Variants in TPD52 observed in about 807,000 individuals in gnomAD.
TPD52 encodes tumor protein D52, also known as prostate and colon associated protein.
Under a neutral mutation model 31.3 loss-of-function variants are expected in TPD52, and 17 were observed. That is an observed-to-expected ratio of 0.54 (90% CI 0.37 to 0.82). The LOEUF (loss-of-function observed/expected upper bound fraction) is 0.82. TPD52 is among the 40% of genes least tolerant of loss of function. TPD52 has a pLI of 0.00. For missense variants in TPD52, 212 were observed against 240.1 expected, an observed-to-expected ratio of 0.88 and a Z score of 0.77; for synonymous variants, 83 against 89.6, an observed-to-expected ratio of 0.93 and a Z score of 0.42.
chr8:80,089,189 CG>C, intron 1 of TPD52, among the ~76,000 whole-genome samples: 1 of 152,280 alleles, frequency 6.6e-6, no homozygotes. Context: ...GGAACAGAAG[CG>C]GGAACAGCAA....
chr8:80,078,164 C>T (rs1029897222), intron 1 of TPD52, among the ~76,000 whole-genome samples: 7 of 152,222 alleles, frequency 4.6e-5, no homozygotes, highest in Admixed American at 1.3e-4. Flanking sequence ...CTCATCCTAA[C>T]CTTCGCTTTA....
chr8:80,131,831 G>A (rs1369055441), intron 1 of TPD52, among the ~76,000 whole-genome samples: 1 of 152,052 alleles, frequency 6.6e-6, no homozygotes, highest in Non-Finnish European at 1.5e-5. Context: ...GGTGGAAAAG[G>A]TTTTGGTTTG....
At chr8:80,106,743 C>A (rs1326374358) in intron 1 of TPD52, among the ~76,000 whole-genome samples, 3 of 149,588 alleles carry the variant, frequency 2.0e-5, no homozygotes, top group African/African-American at 7.4e-5. Context: ...CCAAAATGGA[C>A]GCAAAAGGCA....
chr8:80,051,638 A>C lies in TPD52; in HGVS notation c.285-10T>G. ...AGATGTCTTCTTGTAACTATATTAAATTATAAACACACAGAGCAAAAGAAG... is the reference window on the plus strand; with the variant it reads ...AGATGTCTTCTTGTAACTATATTAACTTATAAACACACAGAGCAAAAGAAG... On this transcript the variant is annotated splice_polypyrimidine_tract_variant and intron_variant, in intron 3 of 7. Transcript: ENST00000518937. 4 of 1,581,546 alleles carry C rather than the reference A, an allele frequency of 2.5e-6. No individual in the cohort carries two copies. Among genetic ancestry groups the C allele is most frequent in the Non-Finnish European group, 3.4e-6 (4 of 1,166,544 alleles).
intron 7 of TPD52, among the ~76,000 whole-genome samples, chr8:80,041,528 G>A (rs1010272353): frequency 9.2e-5 from 14 of 152,130 alleles, no homozygotes; most frequent in Non-Finnish European, 1.6e-4. Flanking sequence ...TACAAACTCC[G>A]TAGAGAGGGT....
At chr8:80,130,689 A>T (rs980588525) in intron 1 of TPD52, among the ~76,000 whole-genome samples, 1 of 152,294 alleles carries the variant, frequency 6.6e-6, no homozygotes, top group East Asian at 1.9e-4. Context: ...ATGACTTAGA[A>T]ATTAAGATGC....
At chr8:80,048,498 C>T (rs1177954314) in intron 5 of TPD52, among the ~76,000 whole-genome samples, 1 of 152,158 alleles carries the variant, frequency 6.6e-6, no homozygotes, top group Non-Finnish European at 1.5e-5. Flanking sequence ...GCAAAAGGAG[C>T]CTACTGTATC....
chr8:80,101,341 G>A (rs1169283134), intron 1 of TPD52, among the ~76,000 whole-genome samples: 6 of 151,740 alleles, frequency 4.0e-5, no homozygotes, highest in East Asian at 1.9e-4. Context: ...CCAGCTACCC[G>A]GGAGGCTGAG....
chr8:80,063,375 G>T (rs1365265567), intron 2 of TPD52, among the ~76,000 whole-genome samples: 1 of 152,196 alleles, frequency 6.6e-6, no homozygotes, highest in Non-Finnish European at 1.5e-5. Flanking sequence ...AGCAAATTAG[G>T]TATTGCCAGG....
intron 1 of TPD52, among the ~76,000 whole-genome samples, chr8:80,089,963 A>C (rs1172415513): frequency 1.3e-5 from 2 of 152,244 alleles, no homozygotes; most frequent in African/African-American, 4.8e-5. Flanking sequence ...AAGAGACGCA[A>C]GAAGAAGCCA....
intron 1 of TPD52, among the ~76,000 whole-genome samples, chr8:80,102,911 C>CA (rs376608106): frequency 1.3e-5 from 2 of 151,042 alleles, no homozygotes; most frequent in Non-Finnish European, 3.0e-5. Flanking sequence ...CACAAACAAA[C>CA]AACAACAACA....
chr8:80,053,637 G>A (rs1811585083), intron 2 of TPD52, among the ~76,000 whole-genome samples: 1 of 151,998 alleles, frequency 6.6e-6, no homozygotes, highest in Non-Finnish European at 1.5e-5. Flanking sequence ...CTCCATGGGA[G>A]CTCTTTATAA....
downstream of TPD52, chr8:80,034,675 A>C (rs1809787831): frequency 2.0e-5 from 3 of 152,240 alleles, no homozygotes; most frequent in South Asian, 6.2e-4. Flanking sequence ...AAGAACAGAG[A>C]ATCAATTCTA....
At chr8:80,033,014 G>C (rs1325275375), downstream of TPD52, 1 of 152,582 alleles carries the variant, frequency 6.6e-6, no homozygotes, top group East Asian at 1.9e-4. Context: ...GCAGGTTCCA[G>C]CCACTGCGCC....
chr8:80,159,608 G>A (rs188027692), intron 1 of TPD52, among the ~76,000 whole-genome samples: 3 of 152,240 alleles, frequency 2.0e-5, no homozygotes, highest in Admixed American at 1.3e-4. Flanking sequence ...CATTTGTAAC[G>A]TAGGGATACT....
At chr8:80,143,813 A>C (rs1262805478) in intron 1 of TPD52, among the ~76,000 whole-genome samples, 2 of 152,258 alleles carry the variant, frequency 1.3e-5, no homozygotes, top group Admixed American at 6.5e-5. Flanking sequence ...ACATTTATTA[A>C]GATTTTAGTA....
Position 80,036,992 on chromosome 8 carries a change from C to T in TPD52, c.*1124G>A, listed in dbSNP as rs1471017013. 6.6e-6 allele frequency: 1 copy of T among 152,466 alleles called. No homozygotes were observed. The highest frequency in any genetic ancestry group is 1.5e-5 in the Non-Finnish European group (1 of 67,998). The allele number at this position is 152,466 out of a possible 1,614,324, so 9.4% of individuals were successfully genotyped here. On this transcript the variant is annotated 3_prime_UTR_variant, in exon 8 of 8. Coordinates refer to ENST00000518937, the MANE Select transcript of TPD52 (RefSeq NM_001025253.3). ...TCTAGACACTTTGATTCACTCAGCCCTGACATTCAGTTTTCAAAGTAGGAG... is the reference window on the plus strand; with the variant it reads ...TCTAGACACTTTGATTCACTCAGCCTTGACATTCAGTTTTCAAAGTAGGAG...
At chr8:80,154,750 CACAA>C (rs1810832156) in intron 1 of TPD52, among the ~76,000 whole-genome samples, 1 of 134,044 alleles carries the variant, frequency 7.5e-6, no homozygotes, top group Non-Finnish European at 1.5e-5. Context: ...CACACACACA[CACAA>C]AACACCTACA....
At chr8:80,151,692 C>T (rs1810577502) in intron 1 of TPD52, among the ~76,000 whole-genome samples, 1 of 152,188 alleles carries the variant, frequency 6.6e-6, no homozygotes, top group African/African-American at 2.4e-5. Flanking sequence ...GTTAACCAAT[C>T]AGCTTTTTTT....
Sources: allele counts gnomAD v4.1 joint callset (sites outside exome capture counted in the v4.1 genomes callset), GRCh38; gene constraint gnomAD v4.1.1; transcripts MANE v1.5; gene names NCBI Gene and HGNC (gene_info 2026-07-23, HGNC 2026-07-21).